The following PDE1C variants were observed in gnomAD, a reference collection of about 807,000 sequenced individuals.
The protein encoded by PDE1C is phosphodiesterase 1C, also known as dual specificity calcium/calmodulin-dependent 3',5'-cyclic nucleotide phosphodiesterase 1C.
Under a neutral mutation model 93.1 loss-of-function variants are expected in PDE1C, and 62 were observed. The observed-to-expected ratio is 0.67, with a 90% CI of 0.54 to 0.82. The LOEUF (loss-of-function observed/expected upper bound fraction) is 0.82, where lower values mean the gene tolerates loss of function less well. Among genes scored for constraint, PDE1C ranks in the 40% least tolerant of loss-of-function variants. The pLI is 0.00. For synonymous variants in PDE1C, 325 were observed against 310.1 expected (o/e 1.05, Z -0.50); for missense variants, 742 against 884.6 (o/e 0.84, Z 2.04).
intron 3 of PDE1C, among the ~76,000 whole-genome samples, chr7:32,126,117 C>A (rs1413289432): frequency 6.6e-6 from 1 of 152,010 alleles, no homozygotes; most frequent in African/African-American, 2.4e-5. Context: ...TTCCTAGAAC[C>A]TTTCTGGTCA....
intron 2 of PDE1C, among the ~76,000 whole-genome samples, chr7:31,973,626 T>C (rs1811259942): frequency 6.6e-6 from 1 of 152,208 alleles, no homozygotes. Context: ...AAAAAATTCC[T>C]ATGAAGTAGT....
At chr7:31,740,299 T>A in the PDE1C span, among the ~76,000 whole-genome samples, 1 of 152,224 alleles carries the variant, frequency 6.6e-6, no homozygotes, top group Non-Finnish European at 1.5e-5. Flanking sequence ...AGGTGTGTTA[T>A]AACTAATGTT....
At chr7:31,770,021 C>G (rs1795382204) in intron 17 of PDE1C, among the ~76,000 whole-genome samples, 1 of 152,174 alleles carries the variant, frequency 6.6e-6, no homozygotes, top group South Asian at 2.1e-4. Flanking sequence ...TACATTCCCA[C>G]CAGCAACATG....
chr7:32,376,042 A>C (rs763873032), intron 1 of PDE1C, among the ~76,000 whole-genome samples: 1 of 152,174 alleles, frequency 6.6e-6, no homozygotes, highest in Non-Finnish European at 1.5e-5. Context: ...CTCTAATCCC[A>C]GCTACTCAGG....
At chr7:31,835,873 T>C (rs1436857767) in intron 11 of PDE1C, among the ~76,000 whole-genome samples, 2 of 152,120 alleles carry the variant, frequency 1.3e-5, no homozygotes, top group Non-Finnish European at 2.9e-5. Context: ...AGGTGCCTTC[T>C]ACAATTTCTG....
chr7:32,350,187 C>A (rs1376287), intron 1 of PDE1C, among the ~76,000 whole-genome samples: 25,472 of 152,024 alleles, frequency 0.17, 2,721 homozygotes, highest in South Asian at 0.44. Flanking sequence ...ATATAATGAG[C>A]CGCCATTTAG....
intron 3 of PDE1C, among the ~76,000 whole-genome samples, chr7:32,167,427 C>A (rs557212961): frequency 5.9e-5 from 9 of 152,216 alleles, no homozygotes; most frequent in African/African-American, 1.9e-4. Flanking sequence ...CAGGAAAAGA[C>A]AACAGAAGCC....
At chr7:32,355,858 A>T (rs6979697) in intron 1 of PDE1C, among the ~76,000 whole-genome samples, 25,523 of 152,206 alleles carry the variant, frequency 0.17, 2,728 homozygotes, top group South Asian at 0.44. Flanking sequence ...TTTGATAAAT[A>T]TAGTAGATGG....
intron 1 of PDE1C, among the ~76,000 whole-genome samples, chr7:32,297,768 C>T (rs1343126530): frequency 6.6e-6 from 1 of 152,108 alleles, no homozygotes; most frequent in Non-Finnish European, 1.5e-5. Context: ...ACCTGCAGCT[C>T]AGAGACACCA....
intron 1 of PDE1C, among the ~76,000 whole-genome samples, chr7:32,417,320 T>C (rs1295358701): frequency 6.6e-6 from 1 of 151,644 alleles, no homozygotes; most frequent in Non-Finnish European, 1.5e-5. Flanking sequence ...TTAGCCTTAG[T>C]GGTAAGGAAG....
chr7:31,697,493 A>G, the PDE1C span, among the ~76,000 whole-genome samples: 1 of 152,208 alleles, frequency 6.6e-6, no homozygotes, highest in Admixed American at 6.5e-5. Flanking sequence ...AATTGGCCAA[A>G]TCCTCAAAAT....
chr7:31,873,107 G>T (rs1796139668), intron 6 of PDE1C, among the ~76,000 whole-genome samples, 185 bp downstream of exon 6: 1 of 152,130 alleles, frequency 6.6e-6, no homozygotes, highest in Non-Finnish European at 1.5e-5. Context: ...AGACCCACCA[G>T]CAAGGGCGCA....
chr7:32,211,867 T>TGG (rs1438507215), intron 1 of PDE1C, among the ~76,000 whole-genome samples: 3 of 149,652 alleles, frequency 2.0e-5, no homozygotes, highest in African/African-American at 7.4e-5. Flanking sequence ...ACAAAAAAAG[T>TGG]TTTAACAACT....
intron 17 of PDE1C, among the ~76,000 whole-genome samples, chr7:31,755,325 G>C (rs1794389145): frequency 6.6e-6 from 1 of 152,118 alleles, no homozygotes; most frequent in South Asian, 2.1e-4. Flanking sequence ...ACATGAGTTG[G>C]CATTCACACA....
the PDE1C span, among the ~76,000 whole-genome samples, chr7:31,687,619 G>A: frequency 6.6e-6 from 1 of 152,226 alleles, no homozygotes; most frequent in Non-Finnish European, 1.5e-5. Context: ...AGTACAGAAA[G>A]TATGCTTCTC....
chr7:32,309,647 C>A (rs980484813), intron 1 of PDE1C, among the ~76,000 whole-genome samples: 5 of 152,140 alleles, frequency 3.3e-5, no homozygotes, highest in Non-Finnish European at 7.3e-5. Context: ...TCCAGCCAAA[C>A]TAAGCTTCAT....
chr7:32,148,899 C>T (rs1801068990), intron 3 of PDE1C, among the ~76,000 whole-genome samples: 1 of 152,154 alleles, frequency 6.6e-6, no homozygotes, highest in African/African-American at 2.4e-5. Context: ...TACAGTTTAC[C>T]AAGCTTATTA....
the PDE1C span, chr7:31,708,354 G>A: frequency 6.6e-6 from 1 of 152,218 alleles, no homozygotes; most frequent in East Asian, 1.9e-4. Context: ...TGGTAGCTCT[G>A]TATGTATGCT....
At chr7:32,215,209 G>A (rs960939042) in intron 1 of PDE1C, among the ~76,000 whole-genome samples, 2 of 152,072 alleles carry the variant, frequency 1.3e-5, no homozygotes, top group African/African-American at 2.4e-5. Context: ...GATCAATGGC[G>A]GCATTAGATT....
Sources: allele counts gnomAD v4.1 joint callset (sites outside exome capture counted in the v4.1 genomes callset), GRCh38; gene constraint gnomAD v4.1.1; transcripts MANE v1.5; gene names NCBI Gene and HGNC (gene_info 2026-07-23, HGNC 2026-07-21).